Variants in GTF3C1 observed in about 807,000 individuals in gnomAD.
The protein encoded by GTF3C1 is general transcription factor 3C polypeptide 1.
In GTF3C1, 57 loss-of-function variants were observed where a neutral mutation model predicts 226.7. The ratio of observed to expected loss-of-function variants is 0.25; its 90% CI spans 0.20 to 0.31. GTF3C1 has a LOEUF of 0.31. Ranked by LOEUF, GTF3C1 falls within the 10% of genes least tolerant of loss-of-function variation. GTF3C1 has a pLI of 1.00. For missense variants in GTF3C1, 2,217 were observed against 2,776.1 expected (o/e 0.80, Z 4.53); for synonymous variants, 1,090 against 1,084.8 (o/e 1.00, Z -0.09).
chr16:27,461,868 C>A lies in GTF3C1; in HGVS notation c.6118-306G>T. On this transcript the variant is annotated intron_variant, in intron 36 of 36. Transcript: ENST00000356183. This position sits in a 1 kb window ranked among gnomAD's most constrained non-coding sequence, Gnocchi z 5.3. Reference sequence around the variant, plus strand: ...CCAGCTTCCTGTGAGCCAAGACTGGCTTCCAGGTGGGGTTTTGTTTGGCTC... The same window carrying A: ...CCAGCTTCCTGTGAGCCAAGACTGGATTCCAGGTGGGGTTTTGTTTGGCTC... The A allele has an allele frequency of 2.4e-6, 1 of 421,430 alleles. No individual in the cohort carries two copies. The highest frequency in any genetic ancestry group is 4.1e-5 in the South Asian group (1 of 24,664). The allele number at this position is 421,430 out of a possible 1,614,324, so 26.1% of individuals were successfully genotyped here.
chr16:27,549,618 C>T, intron 1 of GTF3C1, 52 bp downstream of exon 1: 1 of 842,398 alleles, frequency 1.2e-6, no homozygotes, highest in Non-Finnish European at 1.9e-6. Context: ...CTCCATCAGC[C>T]CCCGGGCCCT....
rs1019826926 is a variant in GTF3C1 at position 27,471,031 on chromosome 16, C to T, written c.4527-636G>A. ...ACTTCCCAGAGGCCTGAGGGTCATTCGGGGTCAGGGTCTGGGGAGGAGGAA... is the reference window on the plus strand; with the variant it reads ...ACTTCCCAGAGGCCTGAGGGTCATTTGGGGTCAGGGTCTGGGGAGGAGGAA... On this transcript the variant is annotated intron_variant, in intron 30 of 36. Coordinates refer to ENST00000356183, the MANE Select transcript of GTF3C1 (RefSeq NM_001520.4). This position sits in a 1 kb window ranked among gnomAD's most constrained non-coding sequence, Gnocchi z 5.0. Among the ~76,000 whole-genome samples the T allele has an allele frequency of 6.6e-6, 1 of 152,168 alleles. No individual in the cohort carries two copies. Among genetic ancestry groups the T allele is most frequent in the African/African-American group, 2.4e-5 (1 of 41,440 alleles).
rs1403050846 is a variant in GTF3C1, at chr16:27,476,525, G to C, written c.4279C>G (p.Leu1427Val). The change falls in exon 29 of 37, where the codon CTG (leucine) becomes GTG (valine). Residue 1427 changes from leucine to valine, a missense_variant. Transcript: ENST00000356183. Reference protein sequence around the residue: ...ELNSVDDIHFLVLQNLIQSTL... With the variant: ...ELNSVDDIHFVVLQNLIQSTL... ...CTCTGGATCAGGTTCTGAAGCACCA[G>C]AAAGTGGATGTCATCCACGCTGAAA... 6.2e-7 allele frequency: 1 copy of C among 1,610,074 alleles called. No homozygotes were observed.
At chr16:27,509,096 A>T (rs2088532136) in intron 7 of GTF3C1, among the ~76,000 whole-genome samples, 1 of 152,254 alleles carries the variant, frequency 6.6e-6, no homozygotes, top group African/African-American at 2.4e-5. Flanking sequence ...TTCATTTCCC[A>T]GTATTTCTTG....
intron 4 of GTF3C1, among the ~76,000 whole-genome samples, chr16:27,536,028 T>C (rs1040899929): frequency 2.6e-5 from 4 of 152,226 alleles, no homozygotes; most frequent in African/African-American, 7.2e-5. Flanking sequence ...TTGCTTGACA[T>C]GTACTGTAGA....
intron 6 of GTF3C1, among the ~76,000 whole-genome samples, chr16:27,521,512 G>A (rs2141427289): frequency 6.6e-6 from 1 of 152,366 alleles, no homozygotes. Flanking sequence ...TGAGTGGCTG[G>A]TCCTTCCTGG....
chr16:27,482,973 G>C (rs950541389), intron 26 of GTF3C1, 71 bp downstream of exon 26: 2 of 1,288,038 alleles, frequency 1.6e-6, no homozygotes, highest in East Asian at 4.6e-5. Flanking sequence ...TGTGGGATGA[G>C]AGGAGCTGAC....
intron 12 of GTF3C1, among the ~76,000 whole-genome samples, chr16:27,499,269 G>A (rs1307371147): frequency 6.6e-6 from 1 of 152,236 alleles, no homozygotes; most frequent in Non-Finnish European, 1.5e-5. Context: ...CCGAGCTACT[G>A]AAGCTCAACA....
chr16:27,542,768 C>T (rs1268225452), intron 2 of GTF3C1, among the ~76,000 whole-genome samples: 1 of 152,126 alleles, frequency 6.6e-6, no homozygotes, highest in Non-Finnish European at 1.5e-5. Flanking sequence ...CCGGGTTTTG[C>T]CCCTCTGCAC....
In GTF3C1 at chr16:27,505,995, GCTGCTGGTATCTAAGAGGCTGTCC is replaced by G. The variant is rs1567402241; in HGVS notation, c.1650_1673del (p.Arg550_Ser557del). 1.2e-6 allele frequency: 2 copies of G among 1,612,582 alleles called. No individual in the cohort carries two copies. Among genetic ancestry groups the G allele is most frequent in the Non-Finnish European group, 1.7e-6 (2 of 1,178,552 alleles). Reference sequence around the variant, plus strand: ...CAAAGGACACGTTGGGTTCTGAGACGCTGCTGGTATCTAAGAGGCTGTCCCTGCTGGCAAGGCTCTGGCAGGCTC... The same window carrying G: ...CAAAGGACACGTTGGGTTCTGAGACGCTGCTGGCAAGGCTCTGGCAGGCTC... On this transcript the variant is annotated inframe_deletion, in exon 10 of 37. Transcript: ENST00000356183.
chr16:27,478,359 C>G, intron 28 of GTF3C1, 110 bp downstream of exon 28: 1 of 784,374 alleles, frequency 1.3e-6, no homozygotes, highest in Non-Finnish European at 2.3e-6. Flanking sequence ...TTTGTTCACA[C>G]AAACAGGTAG....
intron 11 of GTF3C1, among the ~76,000 whole-genome samples, chr16:27,501,689 G>A (rs1012321069): frequency 6.6e-6 from 1 of 152,196 alleles, no homozygotes; most frequent in African/African-American, 2.4e-5. Context: ...ACCCAGATAA[G>A]GGCTGCTCTG....
Position 27,481,087 on chromosome 16 carries a change from C to T in GTF3C1, c.4188G>A (p.Leu1396=), listed in dbSNP as rs1444217695. The change falls in exon 27 of 37, where the codon CTG becomes CTA. Residue 1396 remains leucine, a synonymous_variant. Transcript: ENST00000356183. ...NLEIPDTLQE[L]FARYRVLAIG... ...TCCCAGAAACGGCTTACCTGGCGAA[C>T]AGCTCCTGGAGTGTGTCTGGGATTT... 1.9e-6 allele frequency: 3 copies of T among 1,614,042 alleles called. No individual in the cohort carries two copies. Among genetic ancestry groups the T allele is most frequent in the East Asian group, 2.2e-5 (1 of 44,884 alleles).
In GTF3C1 at chr16:27,464,701, C is replaced by T. The variant is rs2087758103; in HGVS notation, c.5491G>A (p.Asp1831Asn). 2 of 1,597,506 alleles carry T rather than the reference C, an allele frequency of 1.3e-6. No individual in the cohort carries two copies. The highest frequency in any genetic ancestry group is 1.3e-5 in the African/African-American group (1 of 74,436). Residue 1831 changes from aspartate (D) to asparagine (N), a missense_variant, in exon 34 of 37, where the codon GAC (aspartate) becomes AAC (asparagine). This residue lies in a region of GTF3C1 where 455 missense variants were observed against 441.9 expected (regional missense o/e 1.03). Transcript: ENST00000356183. ...DREDADIQRE[D>N]PQARPLEGSS... is the part of the protein sequence containing the mutation. The stretch of plus-strand genomic sequence containing the variant: ...CCCTCCAGGGGTCTGGCCTGGGGGT[C>T]TTCTCTCTGGATGTCGGCGTCTTCT...
At chr16:27,478,725 G>T (rs934822034) in intron 27 of GTF3C1, 194 bp from the exon 28 acceptor site, 1 of 590,378 alleles carries the variant, frequency 1.7e-6, no homozygotes, top group African/African-American at 1.9e-5. Context: ...TAAAAAGGAG[G>T]GCTGAGAAAA....
chr16:27,469,734 T>G lies in GTF3C1; in HGVS notation c.4815-184A>C, dbSNP rs954644100. Among the ~76,000 whole-genome samples, 3 of 151,976 alleles carry G rather than the reference T, an allele frequency of 2.0e-5. No homozygotes were observed. Among genetic ancestry groups the G allele is most frequent in the African/African-American group, 7.3e-5 (3 of 41,340 alleles). ...ATCCATCCCCTTTCCCACCTTCCCG[T>G]GCACCGCGCTCACCCCTTGTCACAT... On this transcript the variant is annotated intron_variant, in intron 31 of 36. Coordinates refer to ENST00000356183, the MANE Select transcript of GTF3C1 (RefSeq NM_001520.4). This position sits in a 1 kb window ranked among gnomAD's most constrained non-coding sequence, Gnocchi z 4.5.
chr16:27,486,565 CTTGCTCTGTGACCACACGGGCGTTG>C (rs1164578091), intron 23 of GTF3C1, among the ~76,000 whole-genome samples: 2 of 152,186 alleles, frequency 1.3e-5, no homozygotes, highest in African/African-American at 2.4e-5. Context: ...CCCACGCTCC[CTTGCTCTGTGACCACACGGGCGTTG>C]TGTAGACTTG....
chr16:27,496,862 C>A (rs2141387452), intron 14 of GTF3C1, among the ~76,000 whole-genome samples: 1 of 152,346 alleles, frequency 6.6e-6, no homozygotes, highest in East Asian at 1.9e-4. Flanking sequence ...CCCGCGCTGC[C>A]CCTGGTCCAT....
Position 27,495,193 on chromosome 16 carries a change from G to A in GTF3C1, c.2632+18C>T. On this transcript the variant is annotated intron_variant, in intron 15 of 36. Transcript: ENST00000356183. The stretch of plus-strand genomic sequence containing the variant: ...GGGCCTGCCCGCCCCAGGTGCAGGA[G>A]TGGCAGGGGCCTCTCACCTGTCTCC... 1 of 1,589,404 alleles carries A rather than the reference G, an allele frequency of 6.3e-7. No homozygotes were observed. Among genetic ancestry groups the A allele is most frequent in the Non-Finnish European group, 8.6e-7 (1 of 1,160,596 alleles).
Sources: allele counts gnomAD v4.1 joint callset (sites outside exome capture counted in the v4.1 genomes callset), GRCh38; gene constraint gnomAD v4.1.1; regional missense constraint gnomAD v4.1.1; non-coding constraint Gnocchi (gnomAD v3.1); transcripts MANE v1.5; gene names NCBI Gene and HGNC (gene_info 2026-07-23, HGNC 2026-07-21).